COP1: variants seen among roughly 807,000 people sequenced by gnomAD.
COP1 encodes COP1 E3 ubiquitin ligase, also known as E3 ubiquitin-protein ligase COP1.
A neutral mutation model predicts 101.3 loss-of-function variants in COP1; 24 were observed. The ratio of observed to expected loss-of-function variants is 0.24; its 90% CI spans 0.17 to 0.33. The LOEUF is 0.33. Ranked by LOEUF, COP1 falls within the 10% of genes least tolerant of loss-of-function variation. The pLI is 1.00. For missense variants in COP1, 663 were observed against 906.2 expected (o/e 0.73, Z 3.45); for synonymous variants, 347 against 341.9 (o/e 1.01, Z -0.17).
chr1:176,178,382 C>A (rs1697259248), intron 2 of COP1, among the ~76,000 whole-genome samples: 1 of 150,936 alleles, frequency 6.6e-6, no homozygotes, highest in African/African-American at 2.4e-5. Flanking sequence ...ATTAGCTGGG[C>A]CTGGTTCTGC....
chr1:176,187,825 T>G (rs1698663381), intron 1 of COP1, among the ~76,000 whole-genome samples: 1 of 152,216 alleles, frequency 6.6e-6, no homozygotes, highest in East Asian at 1.9e-4. Context: ...AAATATACAT[T>G]AGTAATAGGA....
intron 3 of COP1, among the ~76,000 whole-genome samples, chr1:176,170,503 A>C (rs1260970069): frequency 6.6e-6 from 1 of 152,192 alleles, no homozygotes; most frequent in East Asian, 1.9e-4. Context: ...GACCAGGTGC[A>C]TTGTCAATGA....
intron 5 of COP1, among the ~76,000 whole-genome samples, chr1:176,162,223 C>T (rs1046852604): frequency 2.0e-5 from 3 of 152,194 alleles, no homozygotes; most frequent in Non-Finnish European, 4.4e-5. Context: ...GTGTTACTCA[C>T]TCACTTACTG....
chr1:176,190,499 C>G (rs1447850289), intron 1 of COP1, among the ~76,000 whole-genome samples: 1 of 147,578 alleles, frequency 6.8e-6, no homozygotes, highest in African/African-American at 2.5e-5. Flanking sequence ...TTAAGCTTGC[C>G]AAAAGATAAT....
chr1:176,159,680 G>C (rs961792186), intron 5 of COP1, among the ~76,000 whole-genome samples: 1 of 152,016 alleles, frequency 6.6e-6, no homozygotes, highest in Non-Finnish European at 1.5e-5. Context: ...AAACAAATAG[G>C]TATATTTCAA....
intron 9 of COP1, among the ~76,000 whole-genome samples, chr1:176,115,794 T>C (rs1686091483): frequency 6.6e-6 from 1 of 151,996 alleles, no homozygotes; most frequent in East Asian, 1.9e-4. Flanking sequence ...AAAAAGCCTA[T>C]TAGGCCTCAA....
intron 15 of COP1, among the ~76,000 whole-genome samples, chr1:176,002,354 A>C (rs1187349606): frequency 6.6e-6 from 1 of 151,258 alleles, no homozygotes; most frequent in African/African-American, 2.4e-5. Flanking sequence ...GTTTTTATTT[A>C]TTTATTTATT....
chr1:176,116,820 G>A (rs1686266512), intron 8 of COP1, 139 bp from the exon 9 acceptor site: 3 of 638,134 alleles, frequency 4.7e-6, no homozygotes, highest in Non-Finnish European at 8.2e-6. Flanking sequence ...CCAATCATTA[G>A]ACATCAAATA....
chr1:176,005,329 G>A (rs147726841), intron 15 of COP1, among the ~76,000 whole-genome samples: 2,234 of 151,974 alleles, frequency 0.015, 58 homozygotes, highest in African/African-American at 0.051. Flanking sequence ...ATTTTTGTAG[G>A]GTTTTTTGTG....
intron 1 of COP1, among the ~76,000 whole-genome samples, chr1:176,205,455 T>G (rs1347685717): frequency 1.3e-5 from 2 of 152,262 alleles, no homozygotes; most frequent in African/African-American, 4.8e-5. Flanking sequence ...TAGCTCTATC[T>G]TATTTAATAA....
At chr1:175,955,365 G>A (rs1650493521) in intron 18 of COP1, among the ~76,000 whole-genome samples, 2 of 152,124 alleles carry the variant, frequency 1.3e-5, no homozygotes, top group Admixed American at 1.3e-4. Flanking sequence ...GAATACCTAT[G>A]AAAAACTTAC....
chr1:175,964,103 C>T (rs1301748329), intron 18 of COP1, among the ~76,000 whole-genome samples: 1 of 151,986 alleles, frequency 6.6e-6, no homozygotes, highest in Non-Finnish European at 1.5e-5. Flanking sequence ...TACTATTAAT[C>T]TAATTTCACA....
chr1:176,043,628 A>G, intron 13 of COP1, 82 bp downstream of exon 13: 1 of 810,356 alleles, frequency 1.2e-6, no homozygotes, highest in South Asian at 1.5e-5. Flanking sequence ...CAAATCTGTA[A>G]TTATAAGGCA....
intron 9 of COP1, among the ~76,000 whole-genome samples, chr1:176,102,174 T>C (rs536653624): frequency 1.3e-5 from 2 of 152,200 alleles, no homozygotes; most frequent in African/African-American, 4.8e-5. Flanking sequence ...GTCTCTCTTG[T>C]CCCTGGGTGG....
chr1:175,954,310 T>C (rs1372524693), intron 18 of COP1, among the ~76,000 whole-genome samples: 1 of 152,112 alleles, frequency 6.6e-6, no homozygotes, highest in South Asian at 2.1e-4. Context: ...CCAATACTTA[T>C]TAGTAAAGCA....
chr1:176,057,660 G>A (rs1673845681), intron 11 of COP1, among the ~76,000 whole-genome samples: 1 of 152,184 alleles, frequency 6.6e-6, no homozygotes, highest in African/African-American at 2.4e-5. Context: ...AGGCTGGAGT[G>A]CAGTGGCGTG....
chr1:175,950,055 C>G (rs1055933099), intron 18 of COP1, among the ~76,000 whole-genome samples: 1 of 152,164 alleles, frequency 6.6e-6, no homozygotes, highest in East Asian at 1.9e-4. Flanking sequence ...CCACTCTAAA[C>G]CCAAGAAGGA....
intron 11 of COP1, among the ~76,000 whole-genome samples, chr1:176,059,279 C>T (rs981016430): frequency 5.9e-5 from 9 of 151,790 alleles, no homozygotes. Context: ...CATTGTGAAC[C>T]TAAGAAAAAA....
rs149068681 is a variant in COP1, at chr1:176,015,390, G to A, written c.1729+12182C>T. Among the ~76,000 whole-genome samples the A allele has an allele frequency of 6.7e-3, 1,014 of 151,994 alleles. 9 individuals are homozygous for A. Among genetic ancestry groups the A allele is most frequent in the African/African-American group, 0.023 (960 of 41,330 alleles). ...CAGTTTGCAGAGTCCAATTAACAAC[G>A]ACAAGGTCTGGTAGAAAGACAGACA... On this transcript the variant is annotated intron_variant, in intron 15 of 19. Transcript: ENST00000367669.
Sources: gnomAD v4.1 joint callset for allele counts (sites outside exome capture counted in the v4.1 genomes callset) on GRCh38, gnomAD v4.1.1 for gene constraint, MANE v1.5 for transcripts, NCBI Gene and HGNC (gene_info 2026-07-23, HGNC 2026-07-21) for gene names.